The following UBE2U variants were observed in gnomAD, a reference collection of about 807,000 sequenced individuals.
The protein encoded by UBE2U is ubiquitin-conjugating enzyme E2 U.
A neutral mutation model predicts 41.2 loss-of-function variants in UBE2U; 39 were observed. That is an observed-to-expected ratio of 0.95 (90% confidence interval 0.73 to 1.24). UBE2U has a LOEUF of 1.24. Among genes scored for constraint, UBE2U ranks in the 50% most tolerant of loss-of-function variants. The pLI is 0.00. For missense variants in UBE2U, 336 were observed against 363.1 expected, an observed-to-expected ratio of 0.93 and a Z score of 0.61; for synonymous variants, 107 against 117.8, an observed-to-expected ratio of 0.91 and a Z score of 0.60.
chr1:64,214,781 T>A, intron 4 of UBE2U, 34 bp from the exon 5 acceptor site: 1 of 1,581,476 alleles, frequency 6.3e-7, no homozygotes, highest in Non-Finnish European at 8.7e-7. Context: ...AAAGTTTACT[T>A]CTGAAATTAT....
chr1:64,234,516 G>A (rs1246631278), intron 7 of UBE2U, among the ~76,000 whole-genome samples: 1 of 151,988 alleles, frequency 6.6e-6, no homozygotes, highest in Non-Finnish European at 1.5e-5. Flanking sequence ...GTACAAATGA[G>A]GGCAAAAAAT....
intron 8 of UBE2U, among the ~76,000 whole-genome samples, chr1:64,252,100 G>A (rs1645020374): frequency 6.6e-6 from 1 of 152,132 alleles, no homozygotes; most frequent in African/African-American, 2.4e-5. Flanking sequence ...GACGAGGAGG[G>A]GTCTCCCCAC....
chr1:64,251,562 A>G (rs1015853291), intron 8 of UBE2U, among the ~76,000 whole-genome samples: 7 of 152,124 alleles, frequency 4.6e-5, no homozygotes, highest in Non-Finnish European at 7.4e-5. Context: ...CAACCCATGG[A>G]GAGCAAAGAA....
intron 4 of UBE2U, 129 bp from the exon 5 acceptor site, chr1:64,214,686 A>G: frequency 1.5e-6 from 1 of 663,190 alleles, no homozygotes. Flanking sequence ...TTATTTTTTA[A>G]TCTATTTCCA....
chr1:64,239,616 G>A lies in UBE2U; in HGVS notation c.596-2036G>A, dbSNP rs1422601101. ...TCCCACCTGTAAGTGAGAACATGCG[G>A]TGTTTGGTTTTCTGTCCTTGTGATA... On this transcript the variant is annotated intron_variant, in intron 7 of 9. Coordinates refer to ENST00000371077, the MANE Select transcript of UBE2U (RefSeq NM_001366232.2). 2.7e-5 allele frequency among the ~76,000 whole-genome samples: 4 copies of A among 150,064 alleles called. No individual in the cohort carries two copies. In the East Asian group the frequency reaches 7.9e-4, roughly 30 times the overall value.
chr1:64,247,609 A>G (rs12129161), intron 8 of UBE2U, among the ~76,000 whole-genome samples: 34,001 of 152,064 alleles, frequency 0.22, 4,002 homozygotes, highest in Middle Eastern at 0.35. Flanking sequence ...TCAAGCCTGT[A>G]ATCCCAGCAC....
chr1:64,245,121 CAT>C (rs1291526209), intron 8 of UBE2U, among the ~76,000 whole-genome samples: 1 of 152,102 alleles, frequency 6.6e-6, no homozygotes, highest in Non-Finnish European at 1.5e-5. Context: ...TTAATAGAAA[CAT>C]TGTCATTATA....
chr1:64,208,063 T>A (rs1184187825), intron 3 of UBE2U, among the ~76,000 whole-genome samples: 1 of 151,750 alleles, frequency 6.6e-6, no homozygotes, highest in African/African-American at 2.4e-5. Context: ...ACTAAGAAAA[T>A]AAAAGCAAAT....
At chr1:64,221,882 C>T (rs987624861) in intron 6 of UBE2U, among the ~76,000 whole-genome samples, 1 of 151,948 alleles carries the variant, frequency 6.6e-6, no homozygotes, top group Non-Finnish European at 1.5e-5. Context: ...GTCAGAAGAT[C>T]GAGACCATCC....
chr1:64,243,616 G>A (rs1644871538), intron 8 of UBE2U, among the ~76,000 whole-genome samples: 1 of 152,166 alleles, frequency 6.6e-6, no homozygotes, highest in Non-Finnish European at 1.5e-5. Flanking sequence ...TGAGAACCCT[G>A]TATTTGCATA....
chr1:64,264,883 G>A (rs925284896), intron 9 of UBE2U, among the ~76,000 whole-genome samples: 4 of 152,142 alleles, frequency 2.6e-5, no homozygotes, highest in Non-Finnish European at 4.4e-5. Flanking sequence ...CCAGGAGGCA[G>A]AGGTTGCAGT....
chr1:64,216,777 G>A lies in UBE2U; in HGVS notation c.457+1845G>A, dbSNP rs535243892. Among the ~76,000 whole-genome samples the A allele has an allele frequency of 2.6e-5, 4 of 152,290 alleles. No individual in the cohort carries two copies. In the South Asian group the frequency reaches 6.2e-4, roughly 24 times the overall value. On this transcript the variant is annotated intron_variant, in intron 5 of 9. Coordinates refer to ENST00000371077, the MANE Select transcript of UBE2U (RefSeq NM_001366232.2). ...ATGTTTGCCTACCCTGAATAGCTAG[G>A]TCTTTGCCTCAGTGTATTGACAAGA... is the stretch of plus-strand genomic sequence containing the variant.
At chr1:64,209,273 CT>C (rs1292095119) in intron 3 of UBE2U, among the ~76,000 whole-genome samples, 11 of 152,176 alleles carry the variant, frequency 7.2e-5, no homozygotes, top group Admixed American at 4.6e-4. Context: ...GTAGAGGGAA[CT>C]TTAGTCTCTA....
At position 64,226,085 on chromosome 1, in the gene UBE2U, T is replaced by G. The variant is rs1345986452; in HGVS notation, c.506+5178T>G. On this transcript the variant is annotated intron_variant, in intron 6 of 9. Transcript: ENST00000371077. ...ACACAAATGTTCGTAGCAGCTTTAT[T>G]TATAATATCGCAAACTAGAAACAAC... Among the ~76,000 whole-genome samples the G allele has an allele frequency of 3.3e-5, 5 of 152,186 alleles. No homozygotes were observed. The East Asian group carries it at 7.7e-4, about 23-fold the overall frequency.
chr1:64,218,822 T>C (rs1652209973), intron 5 of UBE2U, among the ~76,000 whole-genome samples: 2 of 152,362 alleles, frequency 1.3e-5, no homozygotes, highest in Admixed American at 6.5e-5. Context: ...TACATTCCTT[T>C]GTTTTTTATG....
intron 8 of UBE2U, among the ~76,000 whole-genome samples, chr1:64,243,380 ACTT>A (rs1275570701): frequency 1.3e-5 from 2 of 152,210 alleles, no homozygotes; most frequent in Non-Finnish European, 2.9e-5. Context: ...GCAAAATTCA[ACTT>A]CTCTTCAAAT....
At chr1:64,245,942 A>T (rs1248654101) in intron 8 of UBE2U, among the ~76,000 whole-genome samples, 2 of 152,144 alleles carry the variant, frequency 1.3e-5, no homozygotes, top group Non-Finnish European at 2.9e-5. Flanking sequence ...ATAAACATAA[A>T]TTTTATTTGC....
intron 3 of UBE2U, among the ~76,000 whole-genome samples, chr1:64,209,439 G>GTA (rs1651525996): frequency 6.6e-6 from 1 of 152,116 alleles, no homozygotes; most frequent in Non-Finnish European, 1.5e-5. Context: ...ACCATACTGG[G>GTA]TATAGTCTCT....
chr1:64,207,339 T>G (rs935627791), intron 3 of UBE2U, among the ~76,000 whole-genome samples: 1 of 152,186 alleles, frequency 6.6e-6, no homozygotes, highest in Non-Finnish European at 1.5e-5. Context: ...TTAGCAGAGA[T>G]GGGGTTTCAC....
Sources: gnomAD v4.1 joint callset for allele counts (sites outside exome capture counted in the v4.1 genomes callset) on GRCh38, gnomAD v4.1.1 for gene constraint, MANE v1.5 for transcripts, NCBI Gene and HGNC (gene_info 2026-07-23, HGNC 2026-07-21) for gene names.